Variants in IGSF21 observed in about 807,000 individuals in gnomAD.
IGSF21 encodes immunoglobin superfamily member 21, also known as immunoglobulin superfamily member 21.
In IGSF21, 28 loss-of-function variants were observed where a neutral mutation model predicts 46.8. That is an observed-to-expected ratio of 0.60 (90% CI 0.44 to 0.82). IGSF21 has a LOEUF of 0.82. IGSF21 is among the 40% of genes least tolerant of loss of function. The pLI, the probability that IGSF21 is intolerant of heterozygous loss-of-function variation, is 0.00. For missense variants in IGSF21, 624 were observed against 665.5 expected, an observed-to-expected ratio of 0.94 and a Z score of 0.69; for synonymous variants, 284 against 273.6, an observed-to-expected ratio of 1.04 and a Z score of -0.38.
intron 2 of IGSF21, among the ~76,000 whole-genome samples, chr1:18,268,427 C>T (rs2085010573): frequency 6.6e-6 from 1 of 152,190 alleles, no homozygotes; most frequent in Non-Finnish European, 1.5e-5. Context: ...AAAAGATTCC[C>T]AGCTGCTGTA....
intron 1 of IGSF21, among the ~76,000 whole-genome samples, chr1:18,218,615 A>G (rs2084477005): frequency 6.6e-6 from 1 of 152,250 alleles, no homozygotes; most frequent in Non-Finnish European, 1.5e-5. Flanking sequence ...CACATAAAGA[A>G]TGAAGATAAA....
intron 1 of IGSF21, among the ~76,000 whole-genome samples, chr1:18,199,655 G>T (rs2087048030): frequency 6.6e-6 from 1 of 152,062 alleles, no homozygotes; most frequent in African/African-American, 2.4e-5. Context: ...AGCCCAGAGT[G>T]AGCAGGTGGC....
chr1:18,225,085 T>TCTCTCTCTCTCTCTCACA, intron 1 of IGSF21, among the ~76,000 whole-genome samples: 56 of 51,612 alleles, frequency 1.1e-3, no homozygotes, highest in South Asian at 6.9e-3. Flanking sequence ...TCTCTCTCTC[T>TCTCTCTCTCTCTCTCACA]CACACACACA....
At chr1:18,125,265 G>A (rs1051648718) in intron 1 of IGSF21, among the ~76,000 whole-genome samples, 5 of 152,254 alleles carry the variant, frequency 3.3e-5, no homozygotes, top group Middle Eastern at 3.4e-3. Flanking sequence ...GTCTCATCTG[G>A]GACATCACTT....
Position 18,227,953 on chromosome 1 carries a change from G to A in IGSF21, c.126G>A (p.Val42=). The stretch of plus-strand genomic sequence containing the variant: ...CCCCTGTGGTGGCTGGAGACGCCGT[G>A]ACTTTGAAGTGTAACTTCAAGACAG... The part of the protein sequence containing the change: ...PLPPVVAGDA[V]TLKCNFKTDG... The change falls in exon 2 of 10, where the codon GTG becomes GTA. Residue 42 remains valine (V), a synonymous_variant. Transcript: ENST00000251296. The A allele has an allele frequency of 6.2e-7, 1 of 1,614,116 alleles. No homozygotes were observed. Among genetic ancestry groups the A allele is most frequent in the Non-Finnish European group, 8.5e-7 (1 of 1,180,002 alleles).
chr1:18,339,255 G>A (rs543955431), intron 4 of IGSF21, among the ~76,000 whole-genome samples: 22 of 152,278 alleles, frequency 1.4e-4, no homozygotes, highest in Non-Finnish European at 2.5e-4. Flanking sequence ...GGAGCGGGGC[G>A]TCCCACCTGG....
Position 18,376,984 on chromosome 1 carries a change from T to G in IGSF21, c.1286T>G (p.Ile429Ser), listed in dbSNP as rs370681813. Residue 429 changes from isoleucine (I) to serine (S), a missense_variant, in exon 8 of 10, where the codon ATC (isoleucine) becomes AGC (serine). Ile to Ser is a moderately radical substitution (Grantham distance 142, BLOSUM62 -2). Transcript: ENST00000251296. Reference protein sequence around the residue: ...LGSTDTHTRLIVFENPNIPRG... With the variant: ...LGSTDTHTRLSVFENPNIPRG... Reference sequence around the variant, plus strand: ...TCCACCGACACGCACACCCGGCTCATCGTGTTTGGTATGGCGCGCTCAACT... The same window carrying G: ...TCCACCGACACGCACACCCGGCTCAGCGTGTTTGGTATGGCGCGCTCAACT... 6.3e-7 allele frequency: 1 copy of G among 1,591,046 alleles called. No individual in the cohort carries two copies. The highest frequency in any genetic ancestry group is 1.1e-5 in the South Asian group (1 of 89,928).
Position 18,227,966 on chromosome 1 carries a change from A to G in IGSF21, c.139A>G (p.Asn47Asp). 8.7e-6 allele frequency: 14 copies of G among 1,613,986 alleles called. No individual in the cohort carries two copies. The highest frequency in any genetic ancestry group is 1.1e-5 in the Non-Finnish European group (13 of 1,179,872). Residue 47 changes from asparagine (N) to aspartate (D), a missense_variant, in exon 2 of 10, where the codon AAC becomes GAC. Coordinates refer to ENST00000251296, the MANE Select transcript of IGSF21 (RefSeq NM_032880.5). ...VAGDAVTLKC[N>D]FKTDGRMREI... The stretch of plus-strand genomic sequence containing the variant: ...TGGAGACGCCGTGACTTTGAAGTGT[A>G]ACTTCAAGACAGATGGGCGCATGCG...
chr1:18,164,333 GA>G (rs2086657300), intron 1 of IGSF21, among the ~76,000 whole-genome samples: 1 of 149,166 alleles, frequency 6.7e-6, no homozygotes, highest in South Asian at 2.1e-4. Flanking sequence ...CCTTCCTTCT[GA>G]CCCCCTTCTT....
rs140272072 is a variant in IGSF21, at chr1:18,214,931, G to T, written c.71-12967G>T. Among the ~76,000 whole-genome samples the T allele has an allele frequency of 3.6e-3, 543 of 152,216 alleles. 10 individuals are homozygous for T. Among genetic ancestry groups the T allele is most frequent in the East Asian group, 0.029 (150 of 5,168 alleles). The stretch of plus-strand genomic sequence containing the variant: ...TAATTTTTGTATTTTTAGTAGAGAC[G>T]GGGTTTCACCATGTTGGGCAGGATG... On this transcript the variant is annotated intron_variant, in intron 1 of 9. Transcript: ENST00000251296.
chr1:18,236,939 G>A (rs2084678545), intron 2 of IGSF21, among the ~76,000 whole-genome samples: 1 of 152,190 alleles, frequency 6.6e-6, no homozygotes, highest in Non-Finnish European at 1.5e-5. Context: ...AGTGGGCTGA[G>A]GGGTGCATTG....
At chr1:18,108,735 G>A (rs1405281067) in intron 1 of IGSF21, among the ~76,000 whole-genome samples, 1 of 151,890 alleles carries the variant, frequency 6.6e-6, no homozygotes, top group Non-Finnish European at 1.5e-5. Flanking sequence ...GAGGTTTGGC[G>A]TTTCACGTGT....
At chr1:18,220,047 TCTGCTGGTTCTGGCACTCAC>T (rs1331419743) in intron 1 of IGSF21, among the ~76,000 whole-genome samples, 1 of 152,074 alleles carries the variant, frequency 6.6e-6, no homozygotes, top group Non-Finnish European at 1.5e-5. Context: ...CAGCCCTGAG[TCTGCTGGTTCTGGCACTCAC>T]CTGCTGAGGT....
chr1:18,144,124 C>G (rs1341504149), intron 1 of IGSF21, among the ~76,000 whole-genome samples: 2 of 152,158 alleles, frequency 1.3e-5, no homozygotes, highest in African/African-American at 2.4e-5. Context: ...GTTTTCTGTT[C>G]CTTGATGTTT....
At chr1:18,257,675 A>G (rs1335413045) in intron 2 of IGSF21, among the ~76,000 whole-genome samples, 33 of 152,234 alleles carry the variant, frequency 2.2e-4, no homozygotes, top group Admixed American at 2.2e-3. Context: ...AGGCTTGGGT[A>G]CAGTGAATTT....
At chr1:18,152,632 A>G (rs1389262864) in intron 1 of IGSF21, among the ~76,000 whole-genome samples, 1 of 152,138 alleles carries the variant, frequency 6.6e-6, no homozygotes. Flanking sequence ...GATTATCATA[A>G]TCATGATTTC....
intron 2 of IGSF21, among the ~76,000 whole-genome samples, chr1:18,251,379 A>G (rs6693239): frequency 0.34 from 52,389 of 152,054 alleles, 9,515 homozygotes; most frequent in African/African-American, 0.46. Context: ...ATGGTTTGTT[A>G]CAACAAAGGT....
At chr1:18,188,289 A>G (rs1269850153) in intron 1 of IGSF21, among the ~76,000 whole-genome samples, 2 of 152,196 alleles carry the variant, frequency 1.3e-5, no homozygotes, top group Non-Finnish European at 2.9e-5. Context: ...TTGCCCCATG[A>G]TTAGATCTCA....
intron 1 of IGSF21, among the ~76,000 whole-genome samples, chr1:18,196,065 A>G (rs2087004790): frequency 6.6e-6 from 1 of 152,154 alleles, no homozygotes; most frequent in Non-Finnish European, 1.5e-5. Context: ...GAAAATGTTG[A>G]TGGAGAGGTC....
Sources: allele counts gnomAD v4.1 joint callset (sites outside exome capture counted in the v4.1 genomes callset), GRCh38; gene constraint gnomAD v4.1.1; transcripts MANE v1.5; gene names NCBI Gene and HGNC (gene_info 2026-07-23, HGNC 2026-07-21).